RALGAPB: variants seen among roughly 807,000 people sequenced by gnomAD.
RALGAPB encodes Ral GTPase activating protein non-catalytic subunit beta, also known as ral GTPase-activating protein subunit beta.
A neutral mutation model predicts 161.1 loss-of-function variants in RALGAPB; 25 were observed. The ratio of observed to expected loss-of-function variants is 0.16; its 90% CI spans 0.11 to 0.22. The LOEUF is 0.22. Among genes scored for constraint, RALGAPB ranks in the 10% least tolerant of loss-of-function variants. RALGAPB has a pLI of 1.00. For synonymous variants in RALGAPB, 629 were observed against 626.1 expected (o/e 1.00, Z -0.07); for missense variants, 1,391 against 1,815.2 (o/e 0.77, Z 4.25).
intron 1 of RALGAPB, among the ~76,000 whole-genome samples, chr20:38,486,668 T>A (rs1322118497): frequency 1.3e-5 from 2 of 152,238 alleles, no homozygotes; most frequent in South Asian, 4.1e-4. Flanking sequence ...TCCAATAATA[T>A]GCTGTGATGG....
chr20:38,482,781 GTTAT>G (rs1157975643), intron 1 of RALGAPB, among the ~76,000 whole-genome samples: 1 of 152,104 alleles, frequency 6.6e-6, no homozygotes, highest in Non-Finnish European at 1.5e-5. Flanking sequence ...TTCTCTAATA[GTTAT>G]TTATTGATTG....
At chr20:38,553,794 A>C (rs918282770) in intron 21 of RALGAPB, 73 bp from the exon 22 acceptor site, 4 of 887,822 alleles carry the variant, frequency 4.5e-6, no homozygotes, top group African/African-American at 3.3e-5. Context: ...AAAAAAAAAA[A>C]AAAAAAACAC....
intron 9 of RALGAPB, 102 bp downstream of exon 9, chr20:38,518,102 C>A: frequency 8.9e-7 from 1 of 1,118,996 alleles, no homozygotes; most frequent in Non-Finnish European, 1.3e-6. Flanking sequence ...TCTTAAAAAG[C>A]TCTCTGTTTC....
At chr20:38,521,383 T>G (rs1245043492) in intron 9 of RALGAPB, 114 bp from the exon 10 acceptor site, 3 of 1,488,040 alleles carry the variant, frequency 2.0e-6, no homozygotes, top group Admixed American at 2.4e-5. Context: ...CAAAAGCACT[T>G]ATTGGATTCA....
chr20:38,521,744 T>C, intron 10 of RALGAPB, 46 bp downstream of exon 10: 1 of 1,593,944 alleles, frequency 6.3e-7, no homozygotes, highest in African/African-American at 1.3e-5. Flanking sequence ...GTTTTGATAG[T>C]GAAGCCATTG....
At chr20:38,501,920 G>A (rs2085607883) in intron 5 of RALGAPB, among the ~76,000 whole-genome samples, 1 of 152,038 alleles carries the variant, frequency 6.6e-6, no homozygotes, top group African/African-American at 2.4e-5. Context: ...TAAAATATAT[G>A]TACATGCTAG....
chr20:38,562,633 G>T lies in RALGAPB; in HGVS notation c.3633G>T (p.Trp1211Cys). Residue 1211 changes from tryptophan (W) to cysteine (C), a missense_variant, in exon 24 of 30, where the codon TGG (tryptophan) becomes TGT (cysteine). Coordinates refer to ENST00000262879, the MANE Select transcript of RALGAPB (RefSeq NM_020336.4). ...WSVDVGRHPG[W>C]TGHVSTSWSI... is the part of the protein sequence containing the mutation. ...TAGATGTGGGCAGACACCCTGGTTGGACTGGGCATGTTTCTACCAGTTGGT... is the reference window on the plus strand; with the variant it reads ...TAGATGTGGGCAGACACCCTGGTTGTACTGGGCATGTTTCTACCAGTTGGT... 2 of 1,614,008 alleles carry T rather than the reference G, an allele frequency of 1.2e-6. No individual in the cohort carries two copies. Among genetic ancestry groups the T allele is most frequent in the South Asian group, 1.1e-5 (1 of 91,052 alleles).
chr20:38,524,998 T>C, intron 11 of RALGAPB, 53 bp downstream of exon 11: 1 of 1,512,200 alleles, frequency 6.6e-7, no homozygotes, highest in Non-Finnish European at 9.2e-7. Flanking sequence ...GCCTGGTCTG[T>C]TGGTGCTTCC....
chr20:38,574,725 C>A, intron 29 of RALGAPB, 49 bp from the exon 30 acceptor site: 1 of 1,516,644 alleles, frequency 6.6e-7, no homozygotes, highest in Admixed American at 1.7e-5. Context: ...AGTTCACCTA[C>A]GTAAGTGACT....
Position 38,531,843 on chromosome 20 carries a change from G to A in RALGAPB, c.2115+612G>A, listed in dbSNP as rs147801114. On this transcript the variant is annotated intron_variant, in intron 14 of 29. Coordinates refer to ENST00000262879, the MANE Select transcript of RALGAPB (RefSeq NM_020336.4). ...AATTATTATTACGGAAATTACATTC[G>A]TGTCTCAGTAGATGGTGAATAATAA... 5.0e-3 allele frequency among the ~76,000 whole-genome samples: 758 copies of A among 152,206 alleles called. 7 individuals are homozygous for A. The highest frequency in any genetic ancestry group is 0.018 in the African/African-American group (739 of 41,526).
intron 13 of RALGAPB, among the ~76,000 whole-genome samples, chr20:38,529,174 G>A (rs1470855374): frequency 6.6e-6 from 1 of 152,056 alleles, no homozygotes; most frequent in East Asian, 1.9e-4. Context: ...CATACCAGTT[G>A]ATTAACACAT....
intron 11 of RALGAPB, 82 bp downstream of exon 11, chr20:38,525,027 A>G (rs748370185): frequency 1.5e-4 from 204 of 1,358,658 alleles, no homozygotes; most frequent in Non-Finnish European, 2.1e-4. Context: ...TTCCTAATGT[A>G]TCCTGTCCAG....
chr20:38,525,524 G>A lies in RALGAPB; in HGVS notation c.1902+6G>A, dbSNP rs574866436. ...TTGGCACAGTCAAATCTGAGGTAATGTTTTGTTAAAGTTTTTTTATATCCT... is the reference window on the plus strand; with the variant it reads ...TTGGCACAGTCAAATCTGAGGTAATATTTTGTTAAAGTTTTTTTATATCCT... On this transcript the variant is annotated splice_donor_region_variant and intron_variant, in intron 12 of 29. Coordinates refer to ENST00000262879, the MANE Select transcript of RALGAPB (RefSeq NM_020336.4). 4 of 1,577,258 alleles carry A rather than the reference G, an allele frequency of 2.5e-6. No individual in the cohort carries two copies. Among genetic ancestry groups the A allele is most frequent in the Non-Finnish European group, 3.5e-6 (4 of 1,150,034 alleles).
At chr20:38,549,965 T>TA (rs1367032872) in intron 20 of RALGAPB, among the ~76,000 whole-genome samples, 1 of 152,188 alleles carries the variant, frequency 6.6e-6, no homozygotes, top group Non-Finnish European at 1.5e-5. Context: ...TATGCAGCCA[T>TA]AAAAAATGAT....
At chr20:38,557,275 C>T (rs1466836768) in intron 22 of RALGAPB, among the ~76,000 whole-genome samples, 3 of 152,126 alleles carry the variant, frequency 2.0e-5, no homozygotes, top group Admixed American at 2.0e-4. Flanking sequence ...TGTCATACAC[C>T]TTCCCCACAG....
intron 14 of RALGAPB, among the ~76,000 whole-genome samples, chr20:38,531,764 C>T (rs1278889002): frequency 6.6e-6 from 1 of 152,088 alleles, no homozygotes; most frequent in Non-Finnish European, 1.5e-5. Flanking sequence ...ATAGGGTATA[C>T]TGGGGTAAGT....
intron 25 of RALGAPB, among the ~76,000 whole-genome samples, chr20:38,566,701 ATATATAATC>A (rs1311433203): frequency 1.3e-5 from 2 of 152,236 alleles, no homozygotes. Context: ...ACATGATTGA[ATATATAATC>A]TAAATAATTC....
chr20:38,505,452 G>A (rs2085733988), intron 5 of RALGAPB, among the ~76,000 whole-genome samples: 1 of 152,140 alleles, frequency 6.6e-6, no homozygotes, highest in Non-Finnish European at 1.5e-5. Flanking sequence ...GAGCAGTGTT[G>A]AAAAGTCCAG....
chr20:38,475,102 A>G (rs529178310), intron 1 of RALGAPB, among the ~76,000 whole-genome samples: 1 of 152,314 alleles, frequency 6.6e-6, no homozygotes, highest in East Asian at 1.9e-4. Flanking sequence ...TGATTCTATC[A>G]CAATCGGACG....
Sources: gnomAD v4.1 joint callset for allele counts (sites outside exome capture counted in the v4.1 genomes callset) on GRCh38, gnomAD v4.1.1 for gene constraint, MANE v1.5 for transcripts, NCBI Gene and HGNC (gene_info 2026-07-23, HGNC 2026-07-21) for gene names.